The following RASA2 variants were observed in gnomAD, a reference collection of about 807,000 sequenced individuals.
RASA2 encodes ras GTPase-activating protein 2.
A neutral mutation model predicts 118.2 loss-of-function variants in RASA2; 155 were observed. The observed-to-expected ratio is 1.31, with a 90% confidence interval of 1.15 to 1.50. RASA2 has a LOEUF of 1.50. Ranked by LOEUF, RASA2 falls within the 40% of genes most tolerant of loss-of-function variation. The pLI is 0.00. For missense variants in RASA2, 1,016 were observed against 1,009.6 expected (o/e 1.01, Z -0.09); for synonymous variants, 353 against 349.1 (o/e 1.01, Z -0.12).
At chr3:141,597,838 G>GAA (rs113074119) in intron 19 of RASA2, among the ~76,000 whole-genome samples, 2,095 of 149,846 alleles carry the variant, frequency 0.014, 60 homozygotes, top group African/African-American at 0.048. Flanking sequence ...ACTGATAAAA[G>GAA]AAAAAAAAAT....
intron 19 of RASA2, among the ~76,000 whole-genome samples, chr3:141,597,652 A>G (rs1375162679): frequency 6.6e-6 from 1 of 152,222 alleles, no homozygotes; most frequent in Admixed American, 6.5e-5. Flanking sequence ...TAAAAAAAGA[A>G]AGGATAAAAT....
chr3:141,600,592 CA>C, intron 19 of RASA2: 1 of 221,958 alleles, frequency 4.5e-6, no homozygotes, highest in East Asian at 1.4e-4. Context: ...GGGTGCAGGG[CA>C]GAGGGCAAAG....
At chr3:141,528,775 G>C (rs1204810403) in intron 3 of RASA2, among the ~76,000 whole-genome samples, 1 of 151,782 alleles carries the variant, frequency 6.6e-6, no homozygotes, top group Non-Finnish European at 1.5e-5. Flanking sequence ...TTTTCTTAAA[G>C]TTTTCAAATG....
intron 17 of RASA2, among the ~76,000 whole-genome samples, chr3:141,583,513 A>G (rs538032590): frequency 8.7e-4 from 132 of 152,304 alleles, no homozygotes; most frequent in Non-Finnish European, 1.1e-3. Flanking sequence ...AAATATTCAC[A>G]TAACTCAGAC....
chr3:141,519,721 T>C (rs998824031), intron 3 of RASA2, among the ~76,000 whole-genome samples: 4 of 152,166 alleles, frequency 2.6e-5, no homozygotes, highest in African/African-American at 7.2e-5. Flanking sequence ...CTGTTGATTA[T>C]AGATCACCCT....
intron 9 of RASA2, 146 bp from the exon 10 acceptor site, chr3:141,570,766 T>G: frequency 1.5e-6 from 1 of 652,966 alleles, no homozygotes; most frequent in Non-Finnish European, 2.5e-6. Flanking sequence ...TTTCTGAAGA[T>G]GAGTATCCTG....
chr3:141,590,674 C>T (rs1216205624), intron 19 of RASA2, among the ~76,000 whole-genome samples: 1 of 152,156 alleles, frequency 6.6e-6, no homozygotes, highest in African/African-American at 2.4e-5. Context: ...TACTATGTGA[C>T]TTTGGTGTCT....
chr3:141,543,671 A>G (rs908133679), intron 5 of RASA2, among the ~76,000 whole-genome samples: 2 of 151,814 alleles, frequency 1.3e-5, no homozygotes, highest in African/African-American at 4.8e-5. Context: ...ATTATACTAG[A>G]TATAGAATTC....
chr3:141,512,075 G>A, intron 1 of RASA2, 88 bp from the exon 2 acceptor site: 1 of 765,968 alleles, frequency 1.3e-6, no homozygotes, highest in Non-Finnish European at 2.1e-6. Context: ...ACATTAATAT[G>A]TTCTTTCAGA....
chr3:141,541,950 C>T (rs1577707818), intron 5 of RASA2, among the ~76,000 whole-genome samples: 2 of 152,014 alleles, frequency 1.3e-5, no homozygotes, highest in South Asian at 2.1e-4. Context: ...TTAGGTCTTC[C>T]ACTCCTCCCT....
At chr3:141,540,459 T>G in intron 4 of RASA2, 74 bp from the exon 5 acceptor site, 2 of 1,256,622 alleles carry the variant, frequency 1.6e-6, no homozygotes, top group Middle Eastern at 4.8e-4. Flanking sequence ...CTGTGGTGAT[T>G]TGAAAAGGCA....
At chr3:141,598,612 G>C (rs2083412511) in intron 19 of RASA2, among the ~76,000 whole-genome samples, 1 of 152,132 alleles carries the variant, frequency 6.6e-6, no homozygotes, top group Non-Finnish European at 1.5e-5. Flanking sequence ...AGAATCCTCA[G>C]AACAGCTACT....
chr3:141,586,703 A>C lies in RASA2; in HGVS notation c.1884A>C (p.Lys628Asn). 6.2e-7 allele frequency: 1 copy of C among 1,613,748 alleles called. No individual in the cohort carries two copies. The highest frequency in any genetic ancestry group is 8.5e-7 in the Non-Finnish European group (1 of 1,179,802). Residue 628 changes from lysine to asparagine, a missense_variant, in exon 19 of 24, where the codon AAA becomes AAC. Physicochemically the swap from Lys to Asn is moderately conservative, Grantham distance 94 (BLOSUM62 0). Around this residue, in one of 2 missense-constraint regions of RASA2, gnomAD observed 896 missense variants for 836.4 expected, o/e 1.07. Coordinates refer to ENST00000286364, the MANE Select transcript of RASA2 (RefSeq NM_006506.5). ...GGATTGGAAAAAAGAATTTTAAGAA[A>C]CGATGGTTCTGCTTAACAAGCAGAG... ...RTRIGKKNFK[K>N]RWFCLTSREL...
intron 20 of RASA2, 53 bp downstream of exon 20, chr3:141,607,813 A>C: frequency 6.8e-7 from 1 of 1,475,340 alleles, no homozygotes; most frequent in Non-Finnish European, 9.0e-7. Context: ...ATATTACTTA[A>C]GTATTTGTAT....
intron 19 of RASA2, among the ~76,000 whole-genome samples, chr3:141,595,017 G>T (rs2083345401): frequency 6.6e-6 from 1 of 152,062 alleles, no homozygotes; most frequent in East Asian, 1.9e-4. Context: ...TATTCCAAGG[G>T]TCTTATATTT....
At chr3:141,595,286 C>T (rs2083349055) in intron 19 of RASA2, among the ~76,000 whole-genome samples, 1 of 152,110 alleles carries the variant, frequency 6.6e-6, no homozygotes, top group African/African-American at 2.4e-5. Context: ...TGTAAATGAA[C>T]TACAATACAT....
At chr3:141,545,177 G>A (rs188144503) in intron 5 of RASA2, among the ~76,000 whole-genome samples, 31 of 152,254 alleles carry the variant, frequency 2.0e-4, no homozygotes, top group African/African-American at 7.0e-4. Flanking sequence ...TTTTTATGAT[G>A]GCTGCTTTCA....
At chr3:141,609,357 G>T in intron 21 of RASA2, 63 bp from the exon 22 acceptor site, 2 of 1,023,418 alleles carry the variant, frequency 2.0e-6, no homozygotes, top group African/African-American at 1.7e-5. Context: ...ACCATCAGAA[G>T]TCCTTGGCAT....
At chr3:141,570,260 A>G (rs2082896729) in intron 9 of RASA2, among the ~76,000 whole-genome samples, 1 of 151,850 alleles carries the variant, frequency 6.6e-6, no homozygotes, top group Non-Finnish European at 1.5e-5. Flanking sequence ...CATCCAGGCA[A>G]GCCCAGACTG....
Sources: gnomAD v4.1 joint callset for allele counts (sites outside exome capture counted in the v4.1 genomes callset) on GRCh38, gnomAD v4.1.1 for gene constraint, gnomAD v4.1.1 regional missense constraint, MANE v1.5 for transcripts, NCBI Gene and HGNC (gene_info 2026-07-23, HGNC 2026-07-21) for gene names.